The following CABIN1 variants were observed in gnomAD, a reference collection of about 807,000 sequenced individuals.
CABIN1 encodes the protein calcineurin-binding protein cabin-1.
In CABIN1, 133 loss-of-function variants were observed where a neutral mutation model predicts 227.7. The observed-to-expected ratio is 0.58, with a 90% confidence interval of 0.51 to 0.67. CABIN1 has a LOEUF of 0.67. Among genes scored for constraint, CABIN1 ranks in the 30% least tolerant of loss-of-function variants. CABIN1 has a pLI of 0.00. For synonymous variants in CABIN1, 1,086 were observed against 1,155.1 expected (o/e 0.94, Z 1.21); for missense variants, 2,408 against 2,852.5 (o/e 0.84, Z 3.55).
chr22:24,077,773 G>A (rs1025834659), intron 19 of CABIN1, among the ~76,000 whole-genome samples: 1 of 152,140 alleles, frequency 6.6e-6, no homozygotes, highest in South Asian at 2.1e-4. Context: ...TGCTGATTGG[G>A]AAGAATGAGT....
At chr22:24,097,916 C>G (rs1416817190) in intron 25 of CABIN1, 98 bp from the exon 26 acceptor site, 1 of 1,474,604 alleles carries the variant, frequency 6.8e-7, no homozygotes, top group Non-Finnish European at 9.5e-7. Context: ...TGCATGGGAG[C>G]AGTGGGCCCT....
At position 24,071,135 on chromosome 22, in the gene CABIN1, A is replaced by G. The variant is rs1330373062; in HGVS notation, c.2475+93A>G. 3 of 1,549,516 alleles carry G rather than the reference A, an allele frequency of 1.9e-6. No individual in the cohort carries two copies. The East Asian group carries it at 6.8e-5, about 35-fold the overall frequency. On this transcript the variant is annotated intron_variant, in intron 17 of 36. Transcript: ENST00000263119. ...CAGTAGTTCATAGCTTTCATTGCTA[A>G]TTAGGCACCCAAAGGGGACATGATG...
intron 19 of CABIN1, among the ~76,000 whole-genome samples, chr22:24,082,656 G>A (rs1731406010): frequency 1.3e-5 from 2 of 152,176 alleles, no homozygotes; most frequent in Admixed American, 6.5e-5. Flanking sequence ...AACAATAGCC[G>A]TCGGCTCTCA....
chr22:24,031,576 G>C (rs1263348237), intron 1 of CABIN1, among the ~76,000 whole-genome samples: 2 of 152,282 alleles, frequency 1.3e-5, no homozygotes, highest in East Asian at 3.9e-4. Flanking sequence ...TCGACCAATG[G>C]GTAGTTCCTG....
At chr22:24,017,638 C>T (rs905814939) in intron 1 of CABIN1, among the ~76,000 whole-genome samples, 13 of 152,170 alleles carry the variant, frequency 8.5e-5, no homozygotes, top group African/African-American at 1.7e-4. Flanking sequence ...GGTTCATCCA[C>T]GTTGTAGCAT....
intron 5 of CABIN1, among the ~76,000 whole-genome samples, chr22:24,042,414 C>G (rs933886812): frequency 8.5e-5 from 13 of 152,212 alleles, no homozygotes; most frequent in Middle Eastern, 3.4e-3. Context: ...GACCGTGTCT[C>G]TACAAAAAAA....
intron 1 of CABIN1, among the ~76,000 whole-genome samples, chr22:24,034,598 T>G (rs968448693): frequency 3.3e-5 from 5 of 152,220 alleles, no homozygotes; most frequent in African/African-American, 1.2e-4. Context: ...TGGACATGTT[T>G]TCATTTCTTT....
chr22:24,064,310 A>T, intron 15 of CABIN1, 123 bp downstream of exon 15: 1 of 1,070,456 alleles, frequency 9.3e-7, no homozygotes, highest in Non-Finnish European at 1.4e-6. Flanking sequence ...GGTTCAAGGG[A>T]TTCTCCTGCC....
intron 18 of CABIN1, 34 bp downstream of exon 18, chr22:24,072,544 C>G (rs761616784): frequency 5.1e-5 from 82 of 1,613,518 alleles, no homozygotes; most frequent in Non-Finnish European, 6.4e-5. Context: ...GGGATGAGCT[C>G]TGACTCCCAT....
intron 24 of CABIN1, among the ~76,000 whole-genome samples, chr22:24,095,628 GC>G (rs2041844142): frequency 6.6e-6 from 1 of 152,226 alleles, no homozygotes; most frequent in Non-Finnish European, 1.5e-5. Flanking sequence ...GTGGCGGGAG[GC>G]AGTGCCCAGT....
At position 24,128,227 on chromosome 22, in the gene CABIN1, C is replaced by CT. The variant is rs572435376; in HGVS notation, c.4633-6067dup. On this transcript the variant is annotated intron_variant, in intron 28 of 36. Transcript: ENST00000263119. ...AGAAATGTATGCAAATGTGGTTCTGCTTTTTTTTGCTTCTCGTGTACTCAT... is the reference window on the plus strand; with the variant it reads ...AGAAATGTATGCAAATGTGGTTCTGCTTTTTTTTTGCTTCTCGTGTACTCAT... Among the ~76,000 whole-genome samples the CT allele has an allele frequency of 1.2e-3, 168 of 138,290 alleles. No individual in the cohort carries two copies. The South Asian group carries it at 0.015, about 13-fold the overall frequency. The allele number at this position is 138,290 out of a possible 152,430, so 90.7% of individuals were successfully genotyped here.
chr22:24,151,536 G>C (rs760507930), intron 29 of CABIN1, among the ~76,000 whole-genome samples: 2 of 152,146 alleles, frequency 1.3e-5, no homozygotes, highest in East Asian at 3.9e-4. Flanking sequence ...AACAGAAGCA[G>C]CTCAGCAGTC....
intron 10 of CABIN1, 191 bp downstream of exon 10, chr22:24,056,551 C>T (rs966019174): frequency 9.8e-6 from 6 of 611,952 alleles, no homozygotes; most frequent in African/African-American, 7.4e-5. Context: ...CCTCTTCCCA[C>T]CTCTGAAATT....
At chr22:24,060,543 C>G (rs1392408557) in intron 12 of CABIN1, among the ~76,000 whole-genome samples, 1 of 152,106 alleles carries the variant, frequency 6.6e-6, no homozygotes, top group Non-Finnish European at 1.5e-5. Flanking sequence ...CACAGGAAGC[C>G]TTGCCAGGAG....
At position 24,084,729 on chromosome 22, in the gene CABIN1, A is replaced by G. The variant is rs1160876490; in HGVS notation, c.3061A>G (p.Arg1021Gly). Reference sequence around the variant, plus strand: ...TGCCACCATTGTGCCTCGCACAGAGAGGCCAGCCCTTAGCCTGGACAAAGT... The same window carrying G: ...TGCCACCATTGTGCCTCGCACAGAGGGGCCAGCCCTTAGCCTGGACAAAGT... ...RIATIVPRTE[R>G]PALSLDKVSA... The change falls in exon 21 of 37, where the codon AGG (arginine) becomes GGG (glycine). Residue 1021 changes from arginine (R) to glycine (G), a missense_variant. By Grantham distance (125) the Arg-to-Gly change is moderately radical (BLOSUM62 -2). This residue lies in a region of CABIN1 where 649 missense variants were observed against 910.3 expected (regional missense o/e 0.71). Coordinates refer to ENST00000263119, the MANE Select transcript of CABIN1 (RefSeq NM_012295.4). The G allele has an allele frequency of 6.2e-7, 1 of 1,614,112 alleles. No homozygotes were observed. The highest frequency in any genetic ancestry group is 1.3e-5 in the African/African-American group (1 of 74,938).
At chr22:24,085,202 A>G in intron 22 of CABIN1, 51 bp downstream of exon 22, 1 of 1,605,766 alleles carries the variant, frequency 6.2e-7, no homozygotes, top group Non-Finnish European at 8.5e-7. Flanking sequence ...GACTGGGGTG[A>G]CTCCAGCTCA....
At chr22:24,023,665 T>G (rs2035880457) in intron 1 of CABIN1, among the ~76,000 whole-genome samples, 1 of 152,194 alleles carries the variant, frequency 6.6e-6, no homozygotes, top group African/African-American at 2.4e-5. Flanking sequence ...AATTCCCTGA[T>G]AAGCATCTTA....
intron 29 of CABIN1, among the ~76,000 whole-genome samples, chr22:24,141,325 G>T (rs946139184): frequency 6.6e-6 from 1 of 152,236 alleles, no homozygotes; most frequent in Non-Finnish European, 1.5e-5. Flanking sequence ...CAAACTTCCT[G>T]TTCTTGGTCA....
rs997844477 is a variant in CABIN1, at chr22:24,164,417, C to T, written c.4764C>T (p.Pro1588=). ...TCCCACAGGGCATCTGGCGGATCCC[C>T]GTGGACGAGATTGACCGGCCGGGCA... The part of the protein sequence containing the change: ...TNFFNGIWRI[P]VDEIDRPGSF... The change falls in exon 30 of 37, where the codon CCC becomes CCT. Residue 1588 remains proline (P), a synonymous_variant. Transcript: ENST00000263119. 26 of 1,604,072 alleles carry T rather than the reference C, an allele frequency of 1.6e-5. No homozygotes were observed. Among genetic ancestry groups the T allele is most frequent in the East Asian group, 4.5e-5 (2 of 44,890 alleles).
Sources: gnomAD v4.1 joint callset for allele counts (sites outside exome capture counted in the v4.1 genomes callset) on GRCh38, gnomAD v4.1.1 for gene constraint, gnomAD v4.1.1 regional missense constraint, MANE v1.5 for transcripts, NCBI Gene and HGNC (gene_info 2026-07-23, HGNC 2026-07-21) for gene names.